RBFOX2: variants seen among roughly 807,000 people sequenced by gnomAD.
RBFOX2 encodes the protein RNA binding fox-1 homolog 2, also known as RNA binding protein fox-1 homolog 2.
Under a neutral mutation model 49.1 loss-of-function variants are expected in RBFOX2, and 10 were observed. That is an observed-to-expected ratio of 0.20 (90% confidence interval 0.13 to 0.35). RBFOX2 has a LOEUF of 0.35. Among genes scored for constraint, RBFOX2 ranks in the 10% least tolerant of loss-of-function variants. The pLI, the probability that RBFOX2 is intolerant of heterozygous loss-of-function variation, is 1.00. For missense variants in RBFOX2, 323 were observed against 486.9 expected (o/e 0.66, Z 3.17); for synonymous variants, 183 against 187.4 (o/e 0.98, Z 0.19).
intron 1 of RBFOX2, among the ~76,000 whole-genome samples, chr22:35,893,712 C>T (rs999908486): frequency 1.3e-5 from 2 of 152,188 alleles, no homozygotes; most frequent in Non-Finnish European, 2.9e-5. Flanking sequence ...GCAGCCCCTC[C>T]GAACATACAC....
chr22:35,935,237 T>G (rs2052923979), intron 1 of RBFOX2, among the ~76,000 whole-genome samples: 2 of 152,200 alleles, frequency 1.3e-5, no homozygotes, highest in Admixed American at 1.3e-4. Context: ...CACTTGGTCC[T>G]GCATGGCCTT....
intron 1 of RBFOX2, among the ~76,000 whole-genome samples, chr22:35,886,980 T>C (rs1318059206): frequency 1.3e-5 from 2 of 152,196 alleles, no homozygotes; most frequent in Non-Finnish European, 2.9e-5. Context: ...CTCTCCGTCT[T>C]GTCAATATGT....
intron 1 of RBFOX2, among the ~76,000 whole-genome samples, chr22:35,982,198 T>C (rs1483500214): frequency 3.3e-5 from 5 of 152,188 alleles, no homozygotes; most frequent in Non-Finnish European, 7.3e-5. Flanking sequence ...TGCTATACTT[T>C]TGAACACAAA....
intron 1 of RBFOX2, among the ~76,000 whole-genome samples, chr22:35,880,401 G>T (rs1398981366): frequency 6.6e-6 from 1 of 152,206 alleles, no homozygotes; most frequent in African/African-American, 2.4e-5. Flanking sequence ...GACATGTCAA[G>T]TTTGAGGTAA....
intron 2 of RBFOX2, 81 bp downstream of exon 3, chr22:35,809,699 T>C (rs1951454879): frequency 1.4e-6 from 2 of 1,429,294 alleles, no homozygotes; most frequent in East Asian, 4.6e-5. Context: ...ATTCCGAGAG[T>C]CTTCTAATTG....
intron 10 of RBFOX2, among the ~76,000 whole-genome samples, chr22:35,746,225 G>T (rs962330989): frequency 6.6e-6 from 1 of 152,202 alleles, no homozygotes; most frequent in African/African-American, 2.4e-5. Flanking sequence ...TGGAGATGAG[G>T]AAGAGAGGGA....
At chr22:35,838,268 T>TC (rs528162590) in intron 1 of RBFOX2, among the ~76,000 whole-genome samples, 165 of 151,898 alleles carry the variant, frequency 1.1e-3, no homozygotes, top group African/African-American at 3.7e-3. Context: ...TCTTTTCTTT[T>TC]TTTTTTTTTA....
intron 1 of RBFOX2, among the ~76,000 whole-genome samples, chr22:35,899,571 A>C (rs548678341): frequency 5.3e-5 from 8 of 151,954 alleles, no homozygotes; most frequent in South Asian, 4.2e-4. Context: ...CAAAACAAAA[A>C]AAAAAAAAGA....
intron 1 of RBFOX2, among the ~76,000 whole-genome samples, chr22:35,968,950 T>C (rs760695486): frequency 6.6e-6 from 1 of 152,200 alleles, no homozygotes; most frequent in Non-Finnish European, 1.5e-5. Flanking sequence ...TATCCCTACA[T>C]TCTGAACACT....
intron 4 of RBFOX2, among the ~76,000 whole-genome samples, chr22:35,776,652 CAT>C (rs949049478): frequency 6.6e-6 from 1 of 152,096 alleles, no homozygotes; most frequent in African/African-American, 2.4e-5. Flanking sequence ...CCTCAAATTA[CAT>C]GTTTAAGAGA....
intron 1 of RBFOX2, among the ~76,000 whole-genome samples, chr22:35,825,441 A>C (rs1394629234): frequency 6.6e-6 from 1 of 151,798 alleles, no homozygotes; most frequent in Non-Finnish European, 1.5e-5. Context: ...AAAAAAAAAA[A>C]GAAAAAGTTT....
At chr22:35,936,476 A>G (rs991900033) in intron 1 of RBFOX2, among the ~76,000 whole-genome samples, 3 of 152,154 alleles carry the variant, frequency 2.0e-5, no homozygotes, top group Admixed American at 2.0e-4. Flanking sequence ...AATTAGCAGT[A>G]CTCATTTGGA....
intron 9 of RBFOX2, chr22:35,752,672 G>A: frequency 3.1e-6 from 3 of 981,372 alleles, no homozygotes; most frequent in Non-Finnish European, 3.6e-6. Flanking sequence ...CAGAACACAG[G>A]AAGAGCAGTT....
chr22:35,819,900 T>C (rs576304567), intron 1 of RBFOX2, among the ~76,000 whole-genome samples: 31 of 152,306 alleles, frequency 2.0e-4, no homozygotes, highest in South Asian at 6.2e-4. Flanking sequence ...CTGATCATAA[T>C]TTTTTAGAAA....
At chr22:35,845,801 A>G (rs1486615215) in intron 1 of RBFOX2, among the ~76,000 whole-genome samples, 2 of 152,180 alleles carry the variant, frequency 1.3e-5, no homozygotes. Flanking sequence ...AAAATTGAAG[A>G]CTGCTCTTTA....
At chr22:36,012,918 C>T (rs957008652) in intron 1 of RBFOX2, among the ~76,000 whole-genome samples, 5 of 152,076 alleles carry the variant, frequency 3.3e-5, no homozygotes, top group African/African-American at 1.2e-4. Flanking sequence ...GTGTCTGCCA[C>T]TACGCCCAGC....
intron 1 of RBFOX2, among the ~76,000 whole-genome samples, chr22:35,886,099 G>A (rs1025222375): frequency 3.3e-5 from 5 of 151,624 alleles, no homozygotes; most frequent in African/African-American, 4.8e-5. Flanking sequence ...CTCGTGATCC[G>A]CCCACCTCAG....
At chr22:35,871,344 C>T (rs542011034) in intron 1 of RBFOX2, among the ~76,000 whole-genome samples, 6 of 152,166 alleles carry the variant, frequency 3.9e-5, no homozygotes, top group Admixed American at 3.9e-4. Flanking sequence ...TCTGATGGTC[C>T]GAAGCAGAAG....
At chr22:35,939,325 T>C (rs1473783984), upstream of RBFOX2, 3 of 440,310 alleles carry the variant, frequency 6.8e-6, no homozygotes, top group Non-Finnish European at 1.4e-5. Context: ...GTCCCCTGGA[T>C]GGAAAGGGGA....
Sources: gnomAD v4.1 joint callset for allele counts (sites outside exome capture counted in the v4.1 genomes callset) on GRCh38, gnomAD v4.1.1 for gene constraint, MANE v1.5 for transcripts, NCBI Gene and HGNC (gene_info 2026-07-23, HGNC 2026-07-21) for gene names.